The following BARD1 variants were observed in gnomAD, a reference collection of about 807,000 sequenced individuals.
BARD1 encodes BRCA1 associated RING domain 1.
A neutral mutation model predicts 77.0 loss-of-function variants in BARD1; 73 were observed. That is an observed-to-expected ratio of 0.95 (90% CI 0.79 to 1.15). The LOEUF is 1.15. Among genes scored for constraint, BARD1 ranks in the 50% most tolerant of loss-of-function variants. The probability of loss-of-function intolerance (pLI) is 0.00; values close to 1 mark genes in which losing one functional copy is unlikely to be tolerated. For synonymous variants in BARD1, 384 were observed against 338.0 expected (o/e 1.14, Z -1.49); for missense variants, 993 against 938.8 (o/e 1.06, Z -0.75).
chr2:214,781,306 C>A lies in BARD1; in HGVS notation c.568G>T (p.Asp190Tyr), dbSNP rs369561166. 6.2e-7 allele frequency: 1 copy of A among 1,611,434 alleles called. No individual in the cohort carries two copies. The highest frequency in any genetic ancestry group is 8.5e-7 in the Non-Finnish European group (1 of 1,179,486). The change falls in exon 4 of 11, where the codon GAT becomes TAT. Residue 190 changes from aspartate (D) to tyrosine (Y), a missense_variant. Physicochemically the swap from Asp to Tyr is radical, Grantham distance 160 (BLOSUM62 -3). Transcript: ENST00000260947. Reference sequence around the variant, plus strand: ...GCCTTTTTAGCCCTCTCAGAAACATCTGCAGGAGGACTTGGGGAAACAAAT... The same window carrying A: ...GCCTTTTTAGCCCTCTCAGAAACATATGCAGGAGGACTTGGGGAAACAAAT... ...YEFVSPSPPA[D>Y]VSERAKKASA...
chr2:214,744,396 T>G (rs1291503997), intron 9 of BARD1, among the ~76,000 whole-genome samples: 1 of 152,154 alleles, frequency 6.6e-6, no homozygotes, highest in Non-Finnish European at 1.5e-5. Flanking sequence ...GGAAAAGCAA[T>G]AAATTGCTTT....
chr2:214,730,238 C>T lies in BARD1; in HGVS notation c.2001+173G>A, dbSNP rs145745709. 3.1e-5 allele frequency: 20 copies of T among 640,946 alleles called. No homozygotes were observed. The African/African-American group carries it at 3.7e-4, about 12-fold the overall frequency. 39.7% of individuals were successfully genotyped at this position (640,946 alleles called of 1,614,324 possible). ...ATTAACAGTATGAAATTATTACCTT[C>T]TGGATTTTACTGCTCATCGTGATCA... On this transcript the variant is annotated intron_variant, in intron 10 of 10. Coordinates refer to ENST00000260947, the MANE Select transcript of BARD1 (RefSeq NM_000465.4).
intron 3 of BARD1, among the ~76,000 whole-genome samples, chr2:214,787,513 A>G (rs1695325777): frequency 6.6e-6 from 1 of 151,996 alleles, no homozygotes; most frequent in African/African-American, 2.4e-5. Context: ...CTATTGCTGG[A>G]ACATAAATCA....
intron 9 of BARD1, among the ~76,000 whole-genome samples, chr2:214,734,894 A>G (rs573943836): frequency 1.3e-5 from 2 of 152,316 alleles, no homozygotes; most frequent in East Asian, 1.9e-4. Flanking sequence ...AGTATAGTCA[A>G]TGCTCATTAT....
intron 6 of BARD1, among the ~76,000 whole-genome samples, chr2:214,757,949 AG>A (rs1273139918): frequency 6.6e-6 from 1 of 152,184 alleles, no homozygotes; most frequent in Admixed American, 6.5e-5. Context: ...AAAGGAAAAA[AG>A]GGGGTAAAGG....
intron 1 of BARD1, among the ~76,000 whole-genome samples, chr2:214,801,585 G>C (rs1696021741): frequency 6.6e-6 from 1 of 152,184 alleles, no homozygotes; most frequent in African/African-American, 2.4e-5. Context: ...GGTCAGGCCA[G>C]TGTCTCTTAC....
At position 214,751,830 on chromosome 2, in the gene BARD1, A is replaced by C. The variant is rs560793510; in HGVS notation, c.1677+617T>G. Among the ~76,000 whole-genome samples the C allele has an allele frequency of 2.6e-5, 4 of 152,292 alleles. No homozygotes were observed. The East Asian group carries it at 7.7e-4, about 29-fold the overall frequency. Reference sequence around the variant, plus strand: ...CATTCTTTTCCCACACTTCATATGTAATCTATCCGAAAGTCCCGTTTTGAT... The same window carrying C: ...CATTCTTTTCCCACACTTCATATGTCATCTATCCGAAAGTCCCGTTTTGAT... On this transcript the variant is annotated intron_variant, in intron 7 of 10. Transcript: ENST00000260947.
At chr2:214,800,513 C>A (rs933576110) in intron 1 of BARD1, among the ~76,000 whole-genome samples, 1 of 152,056 alleles carries the variant, frequency 6.6e-6, no homozygotes, top group Non-Finnish European at 1.5e-5. Context: ...ATAGCCACTG[C>A]GCTCCAGCCT....
chr2:214,781,274 T>C lies in BARD1; in HGVS notation c.600A>G (p.Ala200=), dbSNP rs864622418. ...DVSERAKKAS[A]RSGKKQKKKT... The stretch of plus-strand genomic sequence containing the variant: ...TCTTTTTTTGCTTTTTTCCAGATCT[T>C]GCAGAAGCCTTTTTAGCCCTCTCAG... Residue 200 remains alanine, a synonymous_variant, in exon 4 of 11, where the codon GCA becomes GCG. Coordinates refer to ENST00000260947, the MANE Select transcript of BARD1 (RefSeq NM_000465.4). 8 of 1,599,866 alleles carry C rather than the reference T, an allele frequency of 5.0e-6. No homozygotes were observed. The highest frequency in any genetic ancestry group is 6.8e-6 in the Non-Finnish European group (8 of 1,176,526).
intron 1 of BARD1, among the ~76,000 whole-genome samples, chr2:214,800,850 AT>A (rs1695985470): frequency 1.3e-5 from 2 of 152,222 alleles, no homozygotes; most frequent in South Asian, 4.1e-4. Context: ...GGCCTTCAAA[AT>A]AATTCTTGAC....
At chr2:214,737,948 A>G (rs1213163321) in intron 9 of BARD1, among the ~76,000 whole-genome samples, 1 of 141,806 alleles carries the variant, frequency 7.1e-6, no homozygotes, top group Non-Finnish European at 1.5e-5. Context: ...CCTTTTGAAG[A>G]AAAAAAAAGC....
chr2:214,738,489 T>A (rs950530177), intron 9 of BARD1, among the ~76,000 whole-genome samples: 13 of 152,242 alleles, frequency 8.5e-5, no homozygotes, highest in Middle Eastern at 3.4e-3. Context: ...GGTATTTTTT[T>A]ATTCTAAATT....
At chr2:214,766,088 T>C (rs1445300082) in intron 6 of BARD1, among the ~76,000 whole-genome samples, 2 of 152,168 alleles carry the variant, frequency 1.3e-5, no homozygotes, top group Non-Finnish European at 2.9e-5. Context: ...AACTACTTAA[T>C]TAACTGAAAA....
intron 4 of BARD1, among the ~76,000 whole-genome samples, chr2:214,780,275 C>G (rs1353295822): frequency 1.3e-5 from 2 of 152,044 alleles, no homozygotes; most frequent in African/African-American, 2.4e-5. Flanking sequence ...ATGATAAAAA[C>G]TGAAGGTAAA....
chr2:214,729,067 T>A (rs1014498719), intron 10 of BARD1, 59 bp from the exon 11 acceptor site: 1 of 1,468,312 alleles, frequency 6.8e-7, no homozygotes, highest in African/African-American at 1.4e-5. Context: ...TCAAAAACAC[T>A]GTATATGAAT....
rs1559394658 is a variant in BARD1, at chr2:214,752,464, C to G, written c.1660G>C (p.Ala554Pro). The G allele has an allele frequency of 1.2e-6, 2 of 1,612,360 alleles. No homozygotes were observed. Among genetic ancestry groups the G allele is most frequent in the Non-Finnish European group, 1.7e-6 (2 of 1,178,588 alleles). Reference sequence around the variant, plus strand: ...ATACTTACTACTGAGCAGTGGCTAGCTGAGGATGATTCATTCTTCTCTGGT... The same window carrying G: ...ATACTTACTACTGAGCAGTGGCTAGGTGAGGATGATTCATTCTTCTCTGGT... ...LLPEKNESSS[A>P]SHCSVMNTGQ... Residue 554 changes from alanine to proline, a missense_variant, in exon 7 of 11, where the codon GCT becomes CCT. Transcript: ENST00000260947.
intron 4 of BARD1, among the ~76,000 whole-genome samples, chr2:214,773,947 A>G (rs569787573): frequency 6.6e-6 from 1 of 152,332 alleles, no homozygotes; most frequent in East Asian, 1.9e-4. Flanking sequence ...AACTAAGATG[A>G]TATAATTTTC....
intron 9 of BARD1, among the ~76,000 whole-genome samples, chr2:214,732,975 T>G (rs56883678): frequency 0.039 from 5,993 of 152,284 alleles, 378 homozygotes; most frequent in African/African-American, 0.13. Context: ...ATAAAATGTT[T>G]TATTTATTCT....
chr2:214,794,657 T>C (rs571113901), intron 2 of BARD1, among the ~76,000 whole-genome samples: 53 of 152,356 alleles, frequency 3.5e-4, no homozygotes, highest in African/African-American at 9.4e-4. Flanking sequence ...TTCTCAATTC[T>C]GAAGAATGCT....
Sources: gnomAD v4.1 joint callset for allele counts (sites outside exome capture counted in the v4.1 genomes callset) on GRCh38, gnomAD v4.1.1 for gene constraint, MANE v1.5 for transcripts, NCBI Gene and HGNC (gene_info 2026-07-23, HGNC 2026-07-21) for gene names.